Variants in BMP5 observed in about 807,000 individuals in gnomAD.
BMP5 encodes bone morphogenetic protein 5.
In BMP5, 23 loss-of-function variants were observed where a neutral mutation model predicts 46.6. That is an observed-to-expected ratio of 0.49 (90% confidence interval 0.35 to 0.70). The LOEUF (loss-of-function observed/expected upper bound fraction) is 0.70, where lower values mean the gene tolerates loss of function less well. Ranked by LOEUF, BMP5 falls within the 30% of genes least tolerant of loss-of-function variation. The pLI, the probability that BMP5 is intolerant of heterozygous loss-of-function variation, is 0.00. For missense variants in BMP5, 545 were observed against 565.6 expected, an observed-to-expected ratio of 0.96 and a Z score of 0.37; for synonymous variants, 204 against 191.9, an observed-to-expected ratio of 1.06 and a Z score of -0.52.
At chr6:55,831,133 A>G (rs1437720039) in intron 1 of BMP5, among the ~76,000 whole-genome samples, 1 of 152,148 alleles carries the variant, frequency 6.6e-6, no homozygotes, top group Non-Finnish European at 1.5e-5. Flanking sequence ...GTCGACAGCT[A>G]GGGTTATATC....
chr6:55,765,526 A>C (rs1436157491), intron 4 of BMP5, among the ~76,000 whole-genome samples: 1 of 152,174 alleles, frequency 6.6e-6, no homozygotes, highest in African/African-American at 2.4e-5. Context: ...ACAAGAGTTG[A>C]AAAAGCAGGA....
intron 1 of BMP5, among the ~76,000 whole-genome samples, chr6:55,853,215 AAT>A (rs1321518231): frequency 2.9e-5 from 3 of 103,806 alleles, no homozygotes; most frequent in Non-Finnish European, 6.5e-5. Context: ...AATAAAATAA[AAT>A]AAGATAAAAT....
intron 1 of BMP5, among the ~76,000 whole-genome samples, chr6:55,839,510 C>T (rs6459108): frequency 0.5 from 76,419 of 151,730 alleles, 21,668 homozygotes; most frequent in African/African-American, 0.78. Flanking sequence ...AGACAGGCTC[C>T]CAATATGTTG....
intron 1 of BMP5, among the ~76,000 whole-genome samples, chr6:55,857,632 T>C (rs1032631070): frequency 5.9e-5 from 9 of 152,206 alleles, no homozygotes; most frequent in African/African-American, 1.9e-4. Flanking sequence ...AACTATAAAG[T>C]ATATAATTTG....
chr6:55,825,541 A>G (rs966329), intron 1 of BMP5, among the ~76,000 whole-genome samples: 77,622 of 151,496 alleles, frequency 0.51, 22,298 homozygotes, highest in African/African-American at 0.79. Flanking sequence ...CTCTGTTTAA[A>G]ACACACACTG....
intron 1 of BMP5, among the ~76,000 whole-genome samples, chr6:55,870,926 T>G (rs1562080943): frequency 6.6e-6 from 1 of 152,008 alleles, no homozygotes; most frequent in Non-Finnish European, 1.5e-5. Context: ...ATTAATAAAC[T>G]CAAAGTTCAA....
intron 1 of BMP5, among the ~76,000 whole-genome samples, chr6:55,824,441 T>C (rs1406563647): frequency 2.0e-5 from 3 of 151,976 alleles, no homozygotes; most frequent in African/African-American, 7.2e-5. Flanking sequence ...CAGATATAGA[T>C]ACACAAGACT....
chr6:55,842,087 T>C (rs572576111), intron 1 of BMP5, among the ~76,000 whole-genome samples: 1 of 152,338 alleles, frequency 6.6e-6, no homozygotes, highest in South Asian at 2.1e-4. Flanking sequence ...TTGGACATTA[T>C]GAATGATATG....
intron 1 of BMP5, among the ~76,000 whole-genome samples, chr6:55,836,684 T>C (rs1388469819): frequency 6.6e-6 from 1 of 150,752 alleles, no homozygotes; most frequent in Non-Finnish European, 1.5e-5. Context: ...CTGGAAGACC[T>C]CCCAGGTTAT....
At position 55,860,564 on chromosome 6, in the gene BMP5, T is replaced by C. The variant is rs373517300; in HGVS notation, c.490+13812A>G. On this transcript the variant is annotated intron_variant, in intron 1 of 6. Transcript: ENST00000370830. ...CATTACAATTGGGCTATTGGTAGAT[T>C]GGGTACGAGTGGCTAAAGGTAAAGA... Among the ~76,000 whole-genome samples, 6 of 152,258 alleles carry C rather than the reference T, an allele frequency of 3.9e-5. No individual in the cohort carries two copies. The South Asian group carries it at 6.2e-4, about 16-fold the overall frequency.
chr6:55,868,826 C>A (rs1777711788), intron 1 of BMP5, among the ~76,000 whole-genome samples: 1 of 152,090 alleles, frequency 6.6e-6, no homozygotes, highest in South Asian at 2.1e-4. Flanking sequence ...AAAACAGATC[C>A]CTTTTTCCTC....
chr6:55,772,841 C>A (rs1459352253), intron 4 of BMP5: 2 of 985,046 alleles, frequency 2.0e-6, no homozygotes, highest in East Asian at 1.1e-4. Context: ...GGACTTCTAA[C>A]GTGATTCTCC....
intron 2 of BMP5, among the ~76,000 whole-genome samples, chr6:55,816,972 T>A (rs1194371320): frequency 2.0e-5 from 3 of 152,212 alleles, no homozygotes; most frequent in African/African-American, 7.2e-5. Flanking sequence ...AGAAGACATT[T>A]ATGCAGCCAA....
chr6:55,865,354 A>G (rs1331082700), intron 1 of BMP5: 1 of 467,194 alleles, frequency 2.1e-6, no homozygotes, highest in East Asian at 6.1e-5. Context: ...GAAATGGAAC[A>G]GGTAATATCT....
intron 2 of BMP5, among the ~76,000 whole-genome samples, chr6:55,812,851 A>G (rs1776167150): frequency 6.6e-6 from 1 of 152,222 alleles, no homozygotes. Flanking sequence ...TCAAATTGAA[A>G]TTCCATTTTA....
intron 2 of BMP5, among the ~76,000 whole-genome samples, chr6:55,800,843 C>A (rs994688125): frequency 6.6e-6 from 1 of 152,098 alleles, no homozygotes; most frequent in South Asian, 2.1e-4. Flanking sequence ...GGGATCAGAA[C>A]CCAGTTTTCC....
intron 2 of BMP5, among the ~76,000 whole-genome samples, chr6:55,805,685 AG>A (rs1307535863): frequency 3.9e-5 from 6 of 152,198 alleles, no homozygotes; most frequent in Non-Finnish European, 8.8e-5. Flanking sequence ...TCCCACCAAC[AG>A]TGTAAAAGCA....
At chr6:55,837,499 T>C (rs993864416) in intron 1 of BMP5, among the ~76,000 whole-genome samples, 2 of 152,146 alleles carry the variant, frequency 1.3e-5, no homozygotes, top group Non-Finnish European at 2.9e-5. Context: ...CTTTATTTTT[T>C]AAATTTTTTT....
chr6:55,764,528 T>C (rs111780893), intron 4 of BMP5, among the ~76,000 whole-genome samples: 2,159 of 145,532 alleles, frequency 0.015, 50 homozygotes, highest in African/African-American at 0.051. Context: ...AGCGAGATGG[T>C]GCCACTTCAC....
Sources: gnomAD v4.1 joint callset for allele counts (sites outside exome capture counted in the v4.1 genomes callset) on GRCh38, gnomAD v4.1.1 for gene constraint, MANE v1.5 for transcripts, NCBI Gene and HGNC (gene_info 2026-07-23, HGNC 2026-07-21) for gene names.